The following CTNNA2 variants were observed in gnomAD, a reference collection of about 807,000 sequenced individuals.
The protein encoded by CTNNA2 is catenin alpha 2, also known as catenin alpha-2.
In CTNNA2, 42 loss-of-function variants were observed where a neutral mutation model predicts 101.0. That is an observed-to-expected ratio of 0.42 (90% confidence interval 0.32 to 0.54). The LOEUF is 0.54. CTNNA2 is among the 20% of genes least tolerant of loss of function. CTNNA2 has a pLI of 0.14. For missense variants in CTNNA2, 871 were observed against 1,223.1 expected, an observed-to-expected ratio of 0.71 and a Z score of 4.29; for synonymous variants, 450 against 456.4, an observed-to-expected ratio of 0.99 and a Z score of 0.18.
chr2:79,625,223 G>C (rs1036405855), intron 1 of CTNNA2, among the ~76,000 whole-genome samples: 2 of 152,140 alleles, frequency 1.3e-5, no homozygotes, highest in Non-Finnish European at 2.9e-5. Flanking sequence ...GGAAAAAAGA[G>C]GGACTGACCA....
intron 2 of CTNNA2, among the ~76,000 whole-genome samples, chr2:79,656,962 C>A (rs1681653727): frequency 1.3e-5 from 2 of 151,438 alleles, no homozygotes; most frequent in South Asian, 4.2e-4. Context: ...ATAGGCACAT[C>A]CAGTAAAAGC....
At chr2:79,523,265 A>G (rs1318940649) in intron 1 of CTNNA2, 1 of 449,768 alleles carries the variant, frequency 2.2e-6, no homozygotes, top group South Asian at 1.6e-5. Context: ...CAGAAGATTG[A>G]TTTTGGGGGC....
chr2:79,787,080 T>A (rs1416010311), intron 3 of CTNNA2, among the ~76,000 whole-genome samples: 2 of 152,152 alleles, frequency 1.3e-5, no homozygotes, highest in Non-Finnish European at 2.9e-5. Context: ...TTTAATTAAT[T>A]ATAAAGAATT....
intron 7 of CTNNA2, among the ~76,000 whole-genome samples, chr2:80,042,219 C>T (rs1449164170): frequency 1.3e-5 from 2 of 152,216 alleles, no homozygotes; most frequent in East Asian, 1.9e-4. Flanking sequence ...CCTGCCTTGG[C>T]CTCCCAAAGT....
At chr2:80,233,032 G>C (rs565130010) in intron 7 of CTNNA2, among the ~76,000 whole-genome samples, 1 of 152,184 alleles carries the variant, frequency 6.6e-6, no homozygotes, top group African/African-American at 2.4e-5. Context: ...TTCTGTGACT[G>C]TTGCCTGTCA....
intron 3 of CTNNA2, among the ~76,000 whole-genome samples, chr2:79,803,512 T>C (rs1022713736): frequency 1.3e-5 from 2 of 152,270 alleles, no homozygotes; most frequent in Non-Finnish European, 2.9e-5. Context: ...AGGGACACGC[T>C]CTTAAGGCAC....
intron 7 of CTNNA2, among the ~76,000 whole-genome samples, chr2:80,193,487 T>C (rs1193633171): frequency 6.6e-6 from 1 of 152,208 alleles, no homozygotes; most frequent in Non-Finnish European, 1.5e-5. Flanking sequence ...AATTATTCCC[T>C]TCTCCATTTT....
chr2:79,654,800 A>T, intron 2 of CTNNA2, among the ~76,000 whole-genome samples: 1 of 150,736 alleles, frequency 6.6e-6, no homozygotes, highest in Middle Eastern at 3.2e-3. Context: ...TGCAAGAAGC[A>T]CCTAATACTG....
At chr2:80,305,326 A>G in intron 7 of CTNNA2, 9 of 985,328 alleles carry the variant, frequency 9.1e-6, no homozygotes, top group Non-Finnish European at 1.1e-5. Context: ...GCAAAAAGGT[A>G]TGTCTGTGTG....
At chr2:80,523,851 G>A (rs1689791153) in intron 9 of CTNNA2, among the ~76,000 whole-genome samples, 1 of 152,130 alleles carries the variant, frequency 6.6e-6, no homozygotes, top group Non-Finnish European at 1.5e-5. Flanking sequence ...ACACTAATGT[G>A]GTAAGATTTC....
chr2:79,764,567 A>C (rs1475683871), intron 3 of CTNNA2, among the ~76,000 whole-genome samples: 1 of 152,202 alleles, frequency 6.6e-6, no homozygotes, highest in Non-Finnish European at 1.5e-5. Flanking sequence ...AATCAAAAAC[A>C]ATTCATCTGT....
Position 79,951,217 on chromosome 2 carries a change from T to C in CTNNA2, c.1056+41420T>C, listed in dbSNP as rs147545440. 2.2e-3 allele frequency among the ~76,000 whole-genome samples: 341 copies of C among 152,336 alleles called. 3 individuals carry two copies. Among genetic ancestry groups the C allele is most frequent in the African/African-American group, 7.5e-3 (312 of 41,578 alleles). On this transcript the variant is annotated intron_variant, in intron 7 of 18. Coordinates refer to ENST00000402739, the MANE Select transcript of CTNNA2 (RefSeq NM_001282597.3). ...GCAATAATAGTTCTTAATTTAGCCA[T>C]ATATTAGAATAATCTGTGGGACTTA...
At chr2:79,460,403 G>A (rs1376429745) in intron 4 of CTNNA2, among the ~76,000 whole-genome samples, 1 of 151,990 alleles carries the variant, frequency 6.6e-6, no homozygotes, top group Non-Finnish European at 1.5e-5. Flanking sequence ...ACATCAATTT[G>A]ATCACTTAGT....
At chr2:80,587,520 T>C (rs539391240) in intron 14 of CTNNA2, among the ~76,000 whole-genome samples, 1 of 152,322 alleles carries the variant, frequency 6.6e-6, no homozygotes, top group African/African-American at 2.4e-5. Context: ...TATGCCCATA[T>C]TCTATCTGAA....
At chr2:79,193,212 G>A (rs1258590438) in intron 1 of CTNNA2, among the ~76,000 whole-genome samples, 1 of 151,948 alleles carries the variant, frequency 6.6e-6, no homozygotes, top group Admixed American at 6.6e-5. Context: ...TTCTACTTGG[G>A]TGGAAATTTC....
intron 7 of CTNNA2, among the ~76,000 whole-genome samples, chr2:80,049,086 C>T (rs954353066): frequency 7.2e-5 from 11 of 152,162 alleles, no homozygotes; most frequent in African/African-American, 2.7e-4. Flanking sequence ...AAAATAGTAA[C>T]AATAGAACAT....
intron 3 of CTNNA2, among the ~76,000 whole-genome samples, chr2:79,324,613 C>A (rs192020676): frequency 3.3e-4 from 50 of 152,272 alleles, no homozygotes; most frequent in Middle Eastern, 3.4e-3. Flanking sequence ...TTGCTATTAG[C>A]CTCTGGATAA....
chr2:79,915,145 A>G (rs1197450050), intron 7 of CTNNA2, among the ~76,000 whole-genome samples: 1 of 151,884 alleles, frequency 6.6e-6, no homozygotes, highest in Non-Finnish European at 1.5e-5. Flanking sequence ...TGGCTTTTAC[A>G]TTTTTGTATA....
intron 1 of CTNNA2, among the ~76,000 whole-genome samples, chr2:79,521,631 T>C (rs1486211242): frequency 6.6e-6 from 1 of 152,134 alleles, no homozygotes; most frequent in Non-Finnish European, 1.5e-5. Flanking sequence ...AGAGTAGCAA[T>C]TCTTTTAATG....
Sources: allele counts gnomAD v4.1 joint callset (sites outside exome capture counted in the v4.1 genomes callset), GRCh38; gene constraint gnomAD v4.1.1; transcripts MANE v1.5; gene names NCBI Gene and HGNC (gene_info 2026-07-23, HGNC 2026-07-21).